The following TTYH1 variants were observed in gnomAD, a reference collection of about 807,000 sequenced individuals.
TTYH1 encodes protein tweety homolog 1.
Under a neutral mutation model 61.2 loss-of-function variants are expected in TTYH1, and 33 were observed. The observed-to-expected ratio is 0.54, with a 90% CI of 0.41 to 0.72. TTYH1 has a LOEUF of 0.72. Ranked by LOEUF, TTYH1 falls within the 30% of genes least tolerant of loss-of-function variation. The pLI is 0.00. For missense variants in TTYH1, 538 were observed against 575.8 expected, an observed-to-expected ratio of 0.93 and a Z score of 0.67; for synonymous variants, 308 against 266.4, an observed-to-expected ratio of 1.16 and a Z score of -1.52.
In TTYH1 at chr19:54,421,372, G is replaced by A; in HGVS notation, c.401G>A (p.Ser134Asn). The change falls in exon 3 of 14, where the codon AGC becomes AAC. Residue 134 changes from serine (S) to asparagine (N), a missense_variant. Ser to Asn is a conservative substitution (Grantham distance 46). This residue lies in a region of TTYH1 where 378 missense variants were observed against 401.2 expected (regional missense o/e 0.94). Coordinates refer to ENST00000376530, the MANE Select transcript of TTYH1 (RefSeq NM_020659.4). This position sits in a 1 kb window ranked among gnomAD's most constrained non-coding sequence, Gnocchi z 4.8. ...CTGCTGCACGCCAACCACACACTCA[G>A]CACCATTGACCACCTGGTGAGGGGC... ...SALLHANHTL[S>N]TIDHLVLETV... The A allele has an allele frequency of 6.2e-7, 1 of 1,613,214 alleles. No individual in the cohort carries two copies. Among genetic ancestry groups the A allele is most frequent in the Non-Finnish European group, 8.5e-7 (1 of 1,179,326 alleles).
chr19:54,424,154 C>A (rs1312902989), intron 4 of TTYH1, among the ~76,000 whole-genome samples: 1 of 150,546 alleles, frequency 6.6e-6, no homozygotes, highest in Non-Finnish European at 1.5e-5. Flanking sequence ...GAGCGAGAAT[C>A]CGTCTTAAAA....
chr19:54,425,725 T>C (rs1023362511), intron 4 of TTYH1, among the ~76,000 whole-genome samples: 4 of 131,076 alleles, frequency 3.1e-5, no homozygotes, highest in Non-Finnish European at 6.7e-5. Context: ...TTTTTTTTTT[T>C]CATTTTTGAG....
At position 54,429,732 on chromosome 19, in the gene TTYH1, G is replaced by T. The variant is rs559001405; in HGVS notation, c.808-150G>T. On this transcript the variant is annotated intron_variant, in intron 6 of 13. Coordinates refer to ENST00000376530, the MANE Select transcript of TTYH1 (RefSeq NM_020659.4). This position sits in a 1 kb window ranked among gnomAD's most constrained non-coding sequence, Gnocchi z 5.1. ...CCTGAGTCTGAGGGACGAGGGGCCT[G>T]GGGCCTGGACTCCTGAGTCTGAGGG... 3 of 687,324 alleles carry T rather than the reference G, an allele frequency of 4.4e-6. No individual in the cohort carries two copies. In the East Asian group the frequency reaches 7.9e-5, roughly 18 times the overall value. The allele number at this position is 687,324 out of a possible 1,614,324, so 42.6% of individuals were successfully genotyped here.
Position 54,419,554 on chromosome 19 carries a change from CA to C in TTYH1, c.305+249del, listed in dbSNP as rs764899506. 49 of 691,156 alleles carry C rather than the reference CA, an allele frequency of 7.1e-5. 2 individuals carry two copies. The highest frequency in any genetic ancestry group is 6.9e-4 in the South Asian group (46 of 66,654). The allele number at this position is 691,156 out of a possible 1,614,324, so 42.8% of individuals were successfully genotyped here. ...AGGGCAGCCATCTGGTGAGAAGGCG[CA>C]GGGGCAGTCAGATGGCCTGGTTTTG... On this transcript the variant is annotated intron_variant, in intron 2 of 13. Coordinates refer to ENST00000376530, the MANE Select transcript of TTYH1 (RefSeq NM_020659.4). This position sits in a 1 kb window ranked among gnomAD's most constrained non-coding sequence, Gnocchi z 6.1.
chr19:54,426,827 C>T, intron 5 of TTYH1, 59 bp downstream of exon 5: 2 of 1,477,030 alleles, frequency 1.4e-6, no homozygotes, highest in South Asian at 2.3e-5. Flanking sequence ...GCAGGCAGGA[C>T]CTCAGTCTTA....
At position 54,415,695 on chromosome 19, in the gene TTYH1, G is replaced by C; in HGVS notation, c.126+17G>C. On this transcript the variant is annotated intron_variant, in intron 1 of 13. Transcript: ENST00000376530. This position sits in a 1 kb window ranked among gnomAD's most constrained non-coding sequence, Gnocchi z 5.2. Reference sequence around the variant, plus strand: ...TACCAGCAGGTGGGACCGGGCGCCAGGGCCTGGGGGCCAGGGCTGGGGGCC... The same window carrying C: ...TACCAGCAGGTGGGACCGGGCGCCACGGCCTGGGGGCCAGGGCTGGGGGCC... The C allele has an allele frequency of 6.5e-7, 1 of 1,532,752 alleles. No individual in the cohort carries two copies. The allele number at this position is 1,532,752 out of a possible 1,614,324, so 94.9% of individuals were successfully genotyped here.
Position 54,434,456 on chromosome 19 carries a change from T to G in TTYH1, c.1126-1086T>G, listed in dbSNP as rs116449213. On this transcript the variant is annotated intron_variant, in intron 10 of 13. Transcript: ENST00000376530. This position sits in a 1 kb window ranked among gnomAD's most constrained non-coding sequence, Gnocchi z 4.3. Reference sequence around the variant, plus strand: ...CACAGCCCTCTGCCTGGCTCCTTCCTGGAGGACCCATCCCTGCTAGTGGGG... The same window carrying G: ...CACAGCCCTCTGCCTGGCTCCTTCCGGGAGGACCCATCCCTGCTAGTGGGG... 0.029 allele frequency: 4,464 copies of G among 153,250 alleles called. 94 individuals are homozygous for G. The highest frequency in any genetic ancestry group is 0.087 in the South Asian group (422 of 4,854). The allele number at this position is 153,250 out of a possible 1,614,324, so 9.5% of individuals were successfully genotyped here.
rs554463151 is a variant in TTYH1, at chr19:54,421,727, C to T, written c.417+339C>T. 6.6e-6 allele frequency among the ~76,000 whole-genome samples: 1 copy of T among 152,190 alleles called. No homozygotes were observed. The highest frequency in any genetic ancestry group is 2.4e-5 in the African/African-American group (1 of 41,528). ...GCCCGTAAGCAAGCTCAGGGACCCC[C>T]GCCCTGAGGCCCAGGTCCCCGACTT... On this transcript the variant is annotated intron_variant, in intron 3 of 13. Transcript: ENST00000376530. The surrounding 1 kb of genome is among the most constrained non-coding windows in gnomAD (Gnocchi z 4.8).
rs1188119873 is a variant in TTYH1, at chr19:54,416,395, G to A, written c.126+717G>A. ...CAGAAGCCGGTGTCCCTGGGGAAGG[G>A]GCCCGGCTCGGGGCAGCTCCAATGG... is the stretch of plus-strand genomic sequence containing the variant. On this transcript the variant is annotated intron_variant, in intron 1 of 13. Coordinates refer to ENST00000376530, the MANE Select transcript of TTYH1 (RefSeq NM_020659.4). The surrounding 1 kb of genome is among the most constrained non-coding windows in gnomAD (Gnocchi z 7.0). 4 of 259,142 alleles carry A rather than the reference G, an allele frequency of 1.5e-5. No homozygotes were observed. Among genetic ancestry groups the A allele is most frequent in the African/African-American group, 2.3e-5 (1 of 43,826 alleles). The allele number at this position is 259,142 out of a possible 1,614,324, so 16.1% of individuals were successfully genotyped here. A position where few individuals can be genotyped will look rare whatever the true frequency, so the allele number is the denominator to read the frequency against.
rs527461777 is a variant in TTYH1, at chr19:54,423,726, G to A, written c.638+1316G>A. On this transcript the variant is annotated intron_variant, in intron 4 of 13. Coordinates refer to ENST00000376530, the MANE Select transcript of TTYH1 (RefSeq NM_020659.4). ...AGGGAGAGCACCGCAGAGATATGAA[G>A]TGTAGTCACCCCGGTGGCGGGCCGG... Among the ~76,000 whole-genome samples the A allele has an allele frequency of 4.6e-5, 7 of 152,312 alleles. No homozygotes were observed. In the East Asian group the frequency reaches 1.3e-3, roughly 29 times the overall value.
intron 10 of TTYH1, chr19:54,431,523 C>A (rs533994125): frequency 2.1e-5 from 8 of 389,194 alleles, no homozygotes; most frequent in Non-Finnish European, 2.8e-5. Context: ...CCTCCTGCCT[C>A]TCCCTCCCTC....
At chr19:54,426,161 T>C (rs938593378) in intron 4 of TTYH1, among the ~76,000 whole-genome samples, 9 of 152,246 alleles carry the variant, frequency 5.9e-5, no homozygotes, top group African/African-American at 2.2e-4. Flanking sequence ...GTTGTTGTGC[T>C]CCCCACGTTA....
chr19:54,428,305 T>C (rs1341119100), intron 5 of TTYH1, among the ~76,000 whole-genome samples: 1 of 151,808 alleles, frequency 6.6e-6, no homozygotes, highest in Non-Finnish European at 1.5e-5. Flanking sequence ...GTCAGGATGG[T>C]CTCAAACTCC....
In TTYH1 at chr19:54,422,259, G is replaced by A. The variant is rs868706397; in HGVS notation, c.487G>A (p.Glu163Lys). Reference sequence around the variant, plus strand: ...GCTGACCACCCTGGAGGAGGTGCTCGAGCCGCGCACGGAGCTGGTGGCTGC... The same window carrying A: ...GCTGACCACCCTGGAGGAGGTGCTCAAGCCGCGCACGGAGCTGGTGGCTGC... Reference protein sequence around the residue: ...TELTTLEEVLEPRTELVAAAR... With the variant: ...TELTTLEEVLKPRTELVAAAR... Residue 163 changes from glutamate to lysine, a missense_variant, in exon 4 of 14, where the codon GAG becomes AAG. Coordinates refer to ENST00000376530, the MANE Select transcript of TTYH1 (RefSeq NM_020659.4). 1.3e-5 allele frequency: 20 copies of A among 1,565,726 alleles called. No individual in the cohort carries two copies. Among genetic ancestry groups the A allele is most frequent in the South Asian group, 2.3e-5 (2 of 85,266 alleles).
At position 54,436,100 on chromosome 19, in the gene TTYH1, C is replaced by A; in HGVS notation, c.1324C>A (p.Arg442Ser). The A allele has an allele frequency of 6.2e-7, 1 of 1,614,070 alleles. No individual in the cohort carries two copies. The highest frequency in any genetic ancestry group is 8.5e-7 in the Non-Finnish European group (1 of 1,179,966). ...CCGAATCTCCTAGCAGGAATCCAAG[C>A]GCTTTGTGCAGTGGCAGTCGTCTAT... ...DDPFNPQESK[R>S]FVQWQSSI is the part of the protein sequence containing the mutation. The change falls in exon 13 of 14, where the codon CGC becomes AGC. Residue 442 changes from arginine to serine, a missense_variant. Coordinates refer to ENST00000376530, the MANE Select transcript of TTYH1 (RefSeq NM_020659.4). This position sits in a 1 kb window ranked among gnomAD's most constrained non-coding sequence, Gnocchi z 4.3.
chr19:54,435,907 G>A (rs377080803), intron 12 of TTYH1, 34 bp downstream of exon 12: 50 of 1,606,646 alleles, frequency 3.1e-5, no homozygotes, highest in East Asian at 6.7e-5. Flanking sequence ...GAGGAGGGGC[G>A]GGGGGTCCTG....
At position 54,416,158 on chromosome 19, in the gene TTYH1, G is replaced by A; in HGVS notation, c.126+480G>A. ...GCTGGCTGCTGCGGTGCTGGGATGG[G>A]ATTGAGAGTCTGAAATGGGGAAGGG... On this transcript the variant is annotated intron_variant, in intron 1 of 13. Transcript: ENST00000376530. The surrounding 1 kb of genome is among the most constrained non-coding windows in gnomAD (Gnocchi z 7.0). 1 of 1,036,550 alleles carries A rather than the reference G, an allele frequency of 9.6e-7. No individual in the cohort carries two copies. Among genetic ancestry groups the A allele is most frequent in the South Asian group, 1.3e-5 (1 of 74,842 alleles). 64.2% of individuals were successfully genotyped at this position (1,036,550 alleles called of 1,614,324 possible). A position where few individuals can be genotyped will look rare whatever the true frequency, so the allele number is the denominator to read the frequency against.
Position 54,436,883 on chromosome 19 carries a change from A to G in TTYH1, c.*593A>G, listed in dbSNP as rs922122319. 6.4e-6 allele frequency: 1 copy of G among 156,040 alleles called. No homozygotes were observed. Among genetic ancestry groups the G allele is most frequent in the Non-Finnish European group, 1.4e-5 (1 of 70,744 alleles). 9.7% of individuals were successfully genotyped at this position (156,040 alleles called of 1,614,324 possible). On this transcript the variant is annotated 3_prime_UTR_variant, in exon 14 of 14. Coordinates refer to ENST00000376530, the MANE Select transcript of TTYH1 (RefSeq NM_020659.4). The surrounding 1 kb of genome is among the most constrained non-coding windows in gnomAD (Gnocchi z 4.3). The stretch of plus-strand genomic sequence containing the variant: ...AAGACATTGTTCTTTAAAAAAAAAA[A>G]AAAAAAAATCAAAAAACAAAACGCT...
Position 54,416,124 on chromosome 19 carries a change from G to A in TTYH1, c.126+446G>A. 4 of 1,268,926 alleles carry A rather than the reference G, an allele frequency of 3.2e-6. No homozygotes were observed. The highest frequency in any genetic ancestry group is 4.2e-6 in the Non-Finnish European group (4 of 957,564). 78.6% of individuals were successfully genotyped at this position (1,268,926 alleles called of 1,614,324 possible). A position where few individuals can be genotyped will look rare whatever the true frequency, so the allele number is the denominator to read the frequency against. On this transcript the variant is annotated intron_variant, in intron 1 of 13. Transcript: ENST00000376530. This position sits in a 1 kb window ranked among gnomAD's most constrained non-coding sequence, Gnocchi z 7.0. ...AGACAGCGGACCTGATAACGGTGGC[G>A]GGGAAAACGCTGGCTGCTGCGGTGC... is the stretch of plus-strand genomic sequence containing the variant.
Sources: gnomAD v4.1 joint callset for allele counts (sites outside exome capture counted in the v4.1 genomes callset) on GRCh38, gnomAD v4.1.1 for gene constraint, gnomAD v4.1.1 regional missense constraint, Gnocchi (gnomAD v3.1) non-coding constraint, MANE v1.5 for transcripts, NCBI Gene and HGNC (gene_info 2026-07-23, HGNC 2026-07-21) for gene names.